ERG: variants seen among roughly 807,000 people sequenced by gnomAD.
The protein encoded by ERG is transcriptional regulator ERG.
A neutral mutation model predicts 55.3 loss-of-function variants in ERG; 9 were observed. That is an observed-to-expected ratio of 0.16 (90% CI 0.10 to 0.28). ERG has a LOEUF of 0.28. Among genes scored for constraint, ERG ranks in the 10% least tolerant of loss-of-function variants. The pLI, the probability that ERG is intolerant of heterozygous loss-of-function variation, is 1.00. For synonymous variants in ERG, 223 were observed against 237.3 expected, an observed-to-expected ratio of 0.94 and a Z score of 0.55; for missense variants, 434 against 631.6, an observed-to-expected ratio of 0.69 and a Z score of 3.35.
chr21:38,476,183 G>A (rs959491884), intron 1 of ERG, among the ~76,000 whole-genome samples: 5 of 152,102 alleles, frequency 3.3e-5, no homozygotes, highest in Non-Finnish European at 7.4e-5. Flanking sequence ...CTGCTTAGGT[G>A]TAGTCCTTAG....
intron 1 of ERG, among the ~76,000 whole-genome samples, chr21:38,447,496 G>A (rs2058902873): frequency 1.3e-5 from 2 of 148,358 alleles, no homozygotes; most frequent in African/African-American, 5.0e-5. Context: ...ATGATACGAG[G>A]CAGTGACACA....
intron 2 of ERG, among the ~76,000 whole-genome samples, chr21:38,555,220 A>T (rs1306561159): frequency 6.6e-6 from 1 of 151,934 alleles, no homozygotes; most frequent in Non-Finnish European, 1.5e-5. Flanking sequence ...CCAGCTACTC[A>T]GGAGGCTGAG....
At position 38,451,230 on chromosome 21, in the gene ERG, G is replaced by A. The variant is rs370376264; in HGVS notation, c.19-5609C>T. ...GGAATAAAGGATCTGGATGGTAAAC[G>A]GAGAGTGCTGGGAACCAGTAAGGAC... On this transcript the variant is annotated intron_variant, in intron 1 of 9. Transcript: ENST00000288319. 1.1e-3 allele frequency: 565 copies of A among 505,222 alleles called. 3 individuals are homozygous for A. Among genetic ancestry groups the A allele is most frequent in the South Asian group, 1.6e-3 (108 of 68,308 alleles). The allele number at this position is 505,222 out of a possible 1,614,324, so 31.3% of individuals were successfully genotyped here. A position where few individuals can be genotyped will look rare whatever the true frequency, so the allele number is the denominator to read the frequency against.
At position 38,420,592 on chromosome 21, in the gene ERG, T is replaced by C. The variant is rs371047378; in HGVS notation, c.388+2818A>G. Among the ~76,000 whole-genome samples, 7 of 152,340 alleles carry C rather than the reference T, an allele frequency of 4.6e-5. No homozygotes were observed. In the East Asian group the frequency reaches 1.3e-3, roughly 29 times the overall value. ...ATCCAGCTAATATTTGATGAGCAGC[T>C]ACTATGTATAAAAAATCCTGGGTGC... is the stretch of plus-strand genomic sequence containing the variant. On this transcript the variant is annotated intron_variant, in intron 3 of 9. Transcript: ENST00000288319.
At chr21:38,420,915 G>C (rs1328145952) in intron 3 of ERG, among the ~76,000 whole-genome samples, 1 of 152,142 alleles carries the variant, frequency 6.6e-6, no homozygotes. Flanking sequence ...CTCCTTTGAA[G>C]AAATTACATT....
At chr21:38,648,258 G>A (rs2060468657) in intron 1 of ERG, among the ~76,000 whole-genome samples, 1 of 152,036 alleles carries the variant, frequency 6.6e-6, no homozygotes, top group African/African-American at 2.4e-5. Context: ...ATCAGGGTTG[G>A]GCCAGCATTT....
At chr21:38,586,978 A>G (rs145641642), upstream of ERG, among the ~76,000 whole-genome samples, 15 of 152,344 alleles carry the variant, frequency 9.8e-5, no homozygotes, top group Non-Finnish European at 2.1e-4. Context: ...AAATCCTGTC[A>G]TTTGTGACAA....
chr21:38,373,069 T>G, the ERG span, among the ~76,000 whole-genome samples: 6 of 152,088 alleles, frequency 3.9e-5, no homozygotes, highest in African/African-American at 1.4e-4. Context: ...ACCCTATAGG[T>G]TGTGGTTTCA....
At chr21:38,546,637 T>C (rs2059789753) in intron 2 of ERG, among the ~76,000 whole-genome samples, 1 of 152,136 alleles carries the variant, frequency 6.6e-6, no homozygotes, top group South Asian at 2.1e-4. Flanking sequence ...ACGATGTCTA[T>C]ATCAAAAGAA....
chr21:38,455,926 T>C (rs1044227795), intron 1 of ERG, among the ~76,000 whole-genome samples: 4 of 148,910 alleles, frequency 2.7e-5, no homozygotes, highest in African/African-American at 9.9e-5. Flanking sequence ...CGTGCCAGGA[T>C]GCAGGATGGG....
At chr21:38,487,248 C>CA (rs201511449) in intron 1 of ERG, among the ~76,000 whole-genome samples, 10 of 147,910 alleles carry the variant, frequency 6.8e-5, no homozygotes, top group South Asian at 2.1e-4. Context: ...GGAGTAAAGA[C>CA]AAAAAAAATC....
chr21:38,377,938 G>C (rs1987287441), downstream of ERG, among the ~76,000 whole-genome samples: 1 of 152,230 alleles, frequency 6.6e-6, no homozygotes, highest in Non-Finnish European at 1.5e-5. Context: ...TGAAAGCAAA[G>C]TTCATTTATC....
At chr21:38,375,139 G>A (rs1445029022), downstream of ERG, among the ~76,000 whole-genome samples, 1 of 152,162 alleles carries the variant, frequency 6.6e-6, no homozygotes, top group African/African-American at 2.4e-5. Context: ...ATTCAAGGAA[G>A]GCTGAGTACT....
chr21:38,424,660 T>C (rs1467258538), intron 2 of ERG, among the ~76,000 whole-genome samples: 2 of 152,242 alleles, frequency 1.3e-5, no homozygotes, highest in African/African-American at 4.8e-5. Context: ...AGGTTTATCC[T>C]GGAACGACGT....
intron 2 of ERG, among the ~76,000 whole-genome samples, chr21:38,505,871 G>A (rs1463990971): frequency 6.6e-6 from 1 of 152,048 alleles, no homozygotes; most frequent in Non-Finnish European, 1.5e-5. Flanking sequence ...GTCACTAGAG[G>A]GTGCTAAATG....
chr21:38,603,670 A>G (rs2836560), intron 1 of ERG, among the ~76,000 whole-genome samples: 10,916 of 151,998 alleles, frequency 0.072, 781 homozygotes, highest in African/African-American at 0.18. Context: ...TCGAGATATC[A>G]CCCAAGGCAG....
Position 38,381,988 on chromosome 21 carries a change from T to C in ERG, c.*1415A>G, listed in dbSNP as rs1987461740. 1 of 1,061,438 alleles carries C rather than the reference T, an allele frequency of 9.4e-7. No individual in the cohort carries two copies. Among genetic ancestry groups the C allele is most frequent in the Non-Finnish European group, 1.1e-6 (1 of 876,696 alleles). 65.8% of individuals were successfully genotyped at this position (1,061,438 alleles called of 1,614,324 possible). ...AGCACATGTTTTCATTAAGCAACTTTAGTCACTAAAAAAAGTGCAAATGCA... is the reference window on the plus strand; with the variant it reads ...AGCACATGTTTTCATTAAGCAACTTCAGTCACTAAAAAAAGTGCAAATGCA... On this transcript the variant is annotated 3_prime_UTR_variant, in exon 10 of 10. Transcript: ENST00000288319.
At chr21:38,641,256 C>T (rs1289109951) in intron 1 of ERG, among the ~76,000 whole-genome samples, 5 of 152,088 alleles carry the variant, frequency 3.3e-5, no homozygotes, top group Admixed American at 6.5e-5. Flanking sequence ...GATCAATGCC[C>T]TTATAAAAGG....
chr21:38,409,960 A>G (rs1366896231), intron 3 of ERG, among the ~76,000 whole-genome samples: 1 of 152,276 alleles, frequency 6.6e-6, no homozygotes, highest in Non-Finnish European at 1.5e-5. Context: ...AAATACCCAC[A>G]TTGGGATTCT....
Sources: gnomAD v4.1 joint callset for allele counts (sites outside exome capture counted in the v4.1 genomes callset) on GRCh38, gnomAD v4.1.1 for gene constraint, MANE v1.5 for transcripts, NCBI Gene and HGNC (gene_info 2026-07-23, HGNC 2026-07-21) for gene names.